The following ST8SIA6 variants were observed in gnomAD, a reference collection of about 807,000 sequenced individuals.
ST8SIA6 encodes the protein alpha-2,8-sialyltransferase 8F.
In ST8SIA6, 39 loss-of-function variants were observed where a neutral mutation model predicts 33.6. The ratio of observed to expected loss-of-function variants is 1.16; its 90% confidence interval spans 0.90 to 1.52. The LOEUF (loss-of-function observed/expected upper bound fraction) is 1.52, where lower values mean the gene tolerates loss of function less well. ST8SIA6 is among the 40% of genes most tolerant of loss of function. The pLI is 0.00. For synonymous variants in ST8SIA6, 172 were observed against 167.2 expected (o/e 1.03, Z -0.22); for missense variants, 441 against 443.8 (o/e 0.99, Z 0.06).
intron 2 of ST8SIA6, among the ~76,000 whole-genome samples, chr10:17,439,789 A>C (rs1852406506): frequency 6.6e-6 from 1 of 152,236 alleles, no homozygotes; most frequent in African/African-American, 2.4e-5. Context: ...TGTGAAGAAG[A>C]GGAATCACTA....
At chr10:17,437,662 C>CTTCT (rs57889107) in intron 2 of ST8SIA6, among the ~76,000 whole-genome samples, 30,218 of 108,956 alleles carry the variant, frequency 0.28, 6,224 homozygotes, top group East Asian at 0.53. Context: ...TCCTTCCTTC[C>CTTCT]TTCTGTCTCT....
intron 6 of ST8SIA6, among the ~76,000 whole-genome samples, chr10:17,324,924 A>AT (rs1848075853): frequency 6.8e-6 from 1 of 146,270 alleles, no homozygotes; most frequent in Non-Finnish European, 1.5e-5. Context: ...TGTAATATAT[A>AT]ATATGCATAC....
chr10:17,315,733 C>T lies in ST8SIA6; in HGVS notation c.*5145G>A, dbSNP rs563460383. On this transcript the variant is annotated 3_prime_UTR_variant, in exon 8 of 8. Coordinates refer to ENST00000377602, the MANE Select transcript of ST8SIA6 (RefSeq NM_001004470.3). ...AAACAGATTAGGAATTTTCTGGGGA[C>T]GAGGGTGGGATGGACAGGGAGGAAG... Among the ~76,000 whole-genome samples, 36 of 151,622 alleles carry T rather than the reference C, an allele frequency of 2.4e-4. No individual in the cohort carries two copies. The highest frequency in any genetic ancestry group is 1.5e-3 in the South Asian group (7 of 4,808).
In ST8SIA6 at chr10:17,376,983, C is replaced by G. The variant is rs1038734832; in HGVS notation, c.290+13548G>C. Among the ~76,000 whole-genome samples the G allele has an allele frequency of 3.9e-5, 6 of 152,202 alleles. 1 individual carries two copies. Among genetic ancestry groups the G allele is most frequent in the African/African-American group, 1.4e-4 (6 of 41,444 alleles). ...AGTTTGTCAAGCCTCTGAGCCCAAG[C>G]TAAGCCATCATATCCCCTGTGACCT... On this transcript the variant is annotated intron_variant, in intron 3 of 7. Coordinates refer to ENST00000377602, the MANE Select transcript of ST8SIA6 (RefSeq NM_001004470.3).
chr10:17,343,357 G>T (rs1848733860), intron 4 of ST8SIA6, among the ~76,000 whole-genome samples: 1 of 152,148 alleles, frequency 6.6e-6, no homozygotes, highest in Non-Finnish European at 1.5e-5. Context: ...AGAACAATTT[G>T]ATTCTCCCCT....
At chr10:17,371,782 T>TAAAAAAAAAAAAAAAAAA (rs202019274) in intron 3 of ST8SIA6, among the ~76,000 whole-genome samples, 1 of 89,414 alleles carries the variant, frequency 1.1e-5, no homozygotes, top group African/African-American at 4.4e-5. Flanking sequence ...CAAGACTCCA[T>TAAAAAAAAAAAAAAAAAA]TAAAAAAAAA....
chr10:17,325,399 T>C (rs1431074403), intron 6 of ST8SIA6, among the ~76,000 whole-genome samples: 2 of 146,982 alleles, frequency 1.4e-5, no homozygotes, highest in African/African-American at 5.0e-5. Flanking sequence ...TACGACAGTA[T>C]ATATGTGATT....
intron 2 of ST8SIA6, among the ~76,000 whole-genome samples, chr10:17,408,495 C>T (rs1851345779): frequency 6.6e-6 from 1 of 151,852 alleles, no homozygotes. Context: ...GAAACCCCGT[C>T]TCTACTAGAA....
chr10:17,347,192 T>C (rs1344190566), intron 4 of ST8SIA6, among the ~76,000 whole-genome samples: 1 of 152,230 alleles, frequency 6.6e-6, no homozygotes, highest in African/African-American at 2.4e-5. Context: ...CACTGGGTAC[T>C]ATAGCCTAGC....
chr10:17,390,513 G>A lies in ST8SIA6; in HGVS notation c.290+18C>T, dbSNP rs1430996679. On this transcript the variant is annotated intron_variant, in intron 3 of 7. Transcript: ENST00000377602. ...CCCTTGTTGTAAAAGGAAATTAAAT[G>A]TGAAGAGTAGAACTTACCCTTTCGT... The A allele has an allele frequency of 1.3e-6, 2 of 1,576,760 alleles. No individual in the cohort carries two copies. The highest frequency in any genetic ancestry group is 2.2e-5 in the East Asian group (1 of 44,656).
intron 2 of ST8SIA6, among the ~76,000 whole-genome samples, chr10:17,440,094 G>A (rs919366248): frequency 2.0e-5 from 3 of 152,110 alleles, no homozygotes; most frequent in African/African-American, 4.8e-5. Context: ...CAGTGCCTAC[G>A]GCTTTCATAA....
chr10:17,345,851 G>T (rs1848815652), intron 4 of ST8SIA6, among the ~76,000 whole-genome samples: 1 of 152,140 alleles, frequency 6.6e-6, no homozygotes, highest in Admixed American at 6.5e-5. Flanking sequence ...AGAAAGATAG[G>T]CAATGACACA....
intron 4 of ST8SIA6, among the ~76,000 whole-genome samples, chr10:17,354,789 G>A (rs1294637892): frequency 1.3e-5 from 2 of 152,098 alleles, no homozygotes; most frequent in Admixed American, 6.6e-5. Flanking sequence ...CCATGTGGAA[G>A]GTTCTAGACT....
chr10:17,354,021 G>C (rs565231991), intron 4 of ST8SIA6, among the ~76,000 whole-genome samples: 1 of 152,262 alleles, frequency 6.6e-6, no homozygotes, highest in African/African-American at 2.4e-5. Context: ...AATGAATACA[G>C]TTCTTTTAAG....
At chr10:17,338,144 C>T (rs902277989) in intron 4 of ST8SIA6, among the ~76,000 whole-genome samples, 1 of 151,214 alleles carries the variant, frequency 6.6e-6, no homozygotes. Flanking sequence ...AATTGATTCT[C>T]CTGCCTCAGC....
intron 3 of ST8SIA6, among the ~76,000 whole-genome samples, chr10:17,374,109 A>G (rs1296974389): frequency 6.8e-6 from 1 of 147,412 alleles, no homozygotes; most frequent in Non-Finnish European, 1.5e-5. Flanking sequence ...ACACACACAC[A>G]CACACGGGAA....
At chr10:17,359,338 A>G (rs1588836863) in intron 4 of ST8SIA6, among the ~76,000 whole-genome samples, 176 bp downstream of exon 4, 1 of 152,192 alleles carries the variant, frequency 6.6e-6, no homozygotes, top group East Asian at 1.9e-4. Context: ...AAATTTATAC[A>G]CAAGAGATGG....
chr10:17,384,749 C>T (rs1326349322), intron 3 of ST8SIA6, among the ~76,000 whole-genome samples: 3 of 152,146 alleles, frequency 2.0e-5, no homozygotes, highest in Non-Finnish European at 4.4e-5. Context: ...AAAATAACAG[C>T]AACCAATTTA....
At chr10:17,379,170 A>G (rs1850034764) in intron 3 of ST8SIA6, among the ~76,000 whole-genome samples, 1 of 151,982 alleles carries the variant, frequency 6.6e-6, no homozygotes, top group African/African-American at 2.4e-5. Flanking sequence ...ACTTTTCCCA[A>G]AGATCTAGCT....
Sources: gnomAD v4.1 joint callset for allele counts (sites outside exome capture counted in the v4.1 genomes callset) on GRCh38, gnomAD v4.1.1 for gene constraint, MANE v1.5 for transcripts, NCBI Gene and HGNC (gene_info 2026-07-23, HGNC 2026-07-21) for gene names.